RAP1GAP2: variants seen among roughly 807,000 people sequenced by gnomAD.
The protein encoded by RAP1GAP2 is RAP1 GTPase activating protein 2.
A neutral mutation model predicts 95.0 loss-of-function variants in RAP1GAP2; 27 were observed. The observed-to-expected ratio is 0.28, with a 90% CI of 0.21 to 0.39. RAP1GAP2 has a LOEUF of 0.39. Among genes scored for constraint, RAP1GAP2 ranks in the 10% least tolerant of loss-of-function variants. The pLI, the probability that RAP1GAP2 is intolerant of heterozygous loss-of-function variation, is 1.00. For synonymous variants in RAP1GAP2, 373 were observed against 380.9 expected (o/e 0.98, Z 0.24); for missense variants, 771 against 970.0 (o/e 0.79, Z 2.72).
intron 2 of RAP1GAP2, among the ~76,000 whole-genome samples, chr17:2,889,889 AT>A (rs3039128): frequency 0.023 from 1,344 of 57,274 alleles, 48 homozygotes; most frequent in African/African-American, 0.092. Context: ...ATATATATAT[AT>A]TTTTTTTTTT....
chr17:2,917,276 T>G (rs554938575), intron 3 of RAP1GAP2, among the ~76,000 whole-genome samples: 1 of 152,088 alleles, frequency 6.6e-6, no homozygotes, highest in Non-Finnish European at 1.5e-5. Flanking sequence ...CTTCTTTTTT[T>G]TTTTCTTTTT....
chr17:2,891,990 AT>A (rs200693566), intron 2 of RAP1GAP2, among the ~76,000 whole-genome samples: 1 of 151,106 alleles, frequency 6.6e-6, no homozygotes, highest in Non-Finnish European at 1.5e-5. Context: ...TGCCCGGCTA[AT>A]TTTTGTATTT....
chr17:2,822,028 A>AGGC (rs2070326840), intron 2 of RAP1GAP2, among the ~76,000 whole-genome samples: 1 of 152,106 alleles, frequency 6.6e-6, no homozygotes. Flanking sequence ...GAGGAGGAGG[A>AGGC]GGCGGCAAGC....
intron 2 of RAP1GAP2, 34 bp from the exon 3 acceptor site, chr17:2,905,250 A>C: frequency 3.1e-6 from 5 of 1,593,682 alleles, no homozygotes; most frequent in Non-Finnish European, 4.3e-6. Context: ...AGGCGCAGGC[A>C]GGTCCTCACT....
chr17:2,914,321 C>T (rs914966414), intron 3 of RAP1GAP2, among the ~76,000 whole-genome samples: 6 of 152,158 alleles, frequency 3.9e-5, no homozygotes, highest in Admixed American at 2.6e-4. Flanking sequence ...GCTACTTGAA[C>T]GGTATCTCAT....
In RAP1GAP2 at chr17:2,963,746, C is replaced by T. The variant is rs1046267242; in HGVS notation, c.280-110C>T. On this transcript the variant is annotated intron_variant, in intron 6 of 24. Transcript: ENST00000254695. The surrounding 1 kb of genome is among the most constrained non-coding windows in gnomAD (Gnocchi z 4.8). ...TGTCACTGCCTTTGGCCTCAAGTAC[C>T]AGTGGGTACCAGGCCCCACTCCTGG... 3 of 993,884 alleles carry T rather than the reference C, an allele frequency of 3.0e-6. No homozygotes were observed. The highest frequency in any genetic ancestry group is 3.3e-5 in the African/African-American group (2 of 60,906). The allele number at this position is 993,884 out of a possible 1,614,324, so 61.6% of individuals were successfully genotyped here. A position where few individuals can be genotyped will look rare whatever the true frequency, so the allele number is the denominator to read the frequency against.
intron 2 of RAP1GAP2, among the ~76,000 whole-genome samples, chr17:2,826,571 C>T (rs977918123): frequency 6.6e-6 from 1 of 150,640 alleles, no homozygotes; most frequent in African/African-American, 2.4e-5. Context: ...GGATGGATTG[C>T]GGAAGGGAGG....
chr17:3,025,907 C>T, intron 19 of RAP1GAP2, 101 bp from the exon 20 acceptor site: 1 of 849,888 alleles, frequency 1.2e-6, no homozygotes, highest in Non-Finnish European at 1.9e-6. Flanking sequence ...TCTGACCCCA[C>T]TGCCCCTCAC....
rs183340640 is a variant in RAP1GAP2 at position 2,827,449 on chromosome 17, G to A, written c.80+26899G>A. Among the ~76,000 whole-genome samples, 311 of 152,154 alleles carry A rather than the reference G, an allele frequency of 2.0e-3. No individual in the cohort carries two copies. The highest frequency in any genetic ancestry group is 7.1e-3 in the African/African-American group (294 of 41,508). On this transcript the variant is annotated intron_variant, in intron 2 of 24. Transcript: ENST00000254695. This position sits in a 1 kb window ranked among gnomAD's most constrained non-coding sequence, Gnocchi z 4.1. ...GAAATAGAACAGTGAGGCGATGAGG[G>A]TGGGGCTCGGGGCTGGGGGAAGGGG...
intron 17 of RAP1GAP2, among the ~76,000 whole-genome samples, chr17:3,016,098 C>T (rs2046757143): frequency 6.6e-6 from 1 of 152,188 alleles, no homozygotes; most frequent in South Asian, 2.1e-4. Flanking sequence ...GCTCAGTCAG[C>T]ATCAAGATTC....
In RAP1GAP2 at chr17:3,008,368, C is replaced by A. The variant is rs1257768449; in HGVS notation, c.1494+223C>A. On this transcript the variant is annotated intron_variant, in intron 17 of 24. Transcript: ENST00000254695. This position sits in a 1 kb window ranked among gnomAD's most constrained non-coding sequence, Gnocchi z 4.2. ...TCTCAGCAGCCTCCCCATCCTTCCT[C>A]TATCTGGGTCATCTCCTCCGGGCCC... Among the ~76,000 whole-genome samples the A allele has an allele frequency of 6.6e-6, 1 of 152,212 alleles. No individual in the cohort carries two copies. Among genetic ancestry groups the A allele is most frequent in the Non-Finnish European group, 1.5e-5 (1 of 68,044 alleles).
intron 3 of RAP1GAP2, among the ~76,000 whole-genome samples, chr17:2,945,700 C>T (rs979080158): frequency 8.6e-5 from 13 of 151,382 alleles, no homozygotes; most frequent in Admixed American, 5.3e-4. Flanking sequence ...TAGCTTTTGT[C>T]GTGCTCTTTC....
At chr17:2,763,268 C>T (rs1265220673) in intron 1 of RAP1GAP2, among the ~76,000 whole-genome samples, 4 of 152,094 alleles carry the variant, frequency 2.6e-5, no homozygotes, top group South Asian at 2.1e-4. Context: ...AGGCTGGCTT[C>T]GAAGACCAGA....
At chr17:3,031,671 T>C (rs55842190) in intron 23 of RAP1GAP2, among the ~76,000 whole-genome samples, 63 of 123,778 alleles carry the variant, frequency 5.1e-4, no homozygotes, top group Middle Eastern at 0.011. Context: ...CCAGTCCCTT[T>C]CTGAGCTCGC....
At chr17:2,817,975 T>C (rs2070101946) in intron 2 of RAP1GAP2, among the ~76,000 whole-genome samples, 1 of 151,458 alleles carries the variant, frequency 6.6e-6, no homozygotes. Flanking sequence ...TAGCTGGGAC[T>C]ACAGGTGCCC....
chr17:2,779,639 T>A (rs2068590972), intron 1 of RAP1GAP2, among the ~76,000 whole-genome samples: 1 of 138,086 alleles, frequency 7.2e-6, no homozygotes, highest in African/African-American at 2.5e-5. Flanking sequence ...AGGCCAGCAC[T>A]GGGCAGAGGA....
chr17:3,022,815 C>T (rs1394727666), intron 19 of RAP1GAP2, among the ~76,000 whole-genome samples: 1 of 152,164 alleles, frequency 6.6e-6, no homozygotes, highest in African/African-American at 2.4e-5. Context: ...CCCAGACAGA[C>T]CAACGTCCTA....
At chr17:2,890,917 C>T (rs2073691716) in intron 2 of RAP1GAP2, among the ~76,000 whole-genome samples, 1 of 151,650 alleles carries the variant, frequency 6.6e-6, no homozygotes, top group South Asian at 2.1e-4. Context: ...ATCTCCTGAC[C>T]TCTAGTGATC....
chr17:2,967,044 G>A (rs2044632461), intron 8 of RAP1GAP2, among the ~76,000 whole-genome samples: 1 of 152,126 alleles, frequency 6.6e-6, no homozygotes, highest in South Asian at 2.1e-4. Context: ...GGTGAATATT[G>A]AGAGTTGAAC....
Sources: allele counts gnomAD v4.1 joint callset (sites outside exome capture counted in the v4.1 genomes callset), GRCh38; gene constraint gnomAD v4.1.1; non-coding constraint Gnocchi (gnomAD v3.1); transcripts MANE v1.5; gene names NCBI Gene and HGNC (gene_info 2026-07-23, HGNC 2026-07-21).